Variants in CCDC91 observed in about 807,000 individuals in gnomAD.
The protein encoded by CCDC91 is coiled-coil domain containing 91.
In CCDC91, 48 loss-of-function variants were observed where a neutral mutation model predicts 63.2. The ratio of observed to expected loss-of-function variants is 0.76; its 90% CI spans 0.60 to 0.97. CCDC91 has a LOEUF of 0.97. Among genes scored for constraint, CCDC91 ranks in the 50% least tolerant of loss-of-function variants. CCDC91 has a pLI of 0.00. For missense variants in CCDC91, 500 were observed against 494.6 expected (o/e 1.01, Z -0.10); for synonymous variants, 167 against 165.8 (o/e 1.01, Z -0.06).
intron 1 of CCDC91, among the ~76,000 whole-genome samples, chr12:28,211,894 G>A (rs76240990): frequency 1.3e-5 from 2 of 151,614 alleles, no homozygotes; most frequent in Non-Finnish European, 2.9e-5. Context: ...CAGTTTCTTT[G>A]TGACCCAGTC....
intron 11 of CCDC91, among the ~76,000 whole-genome samples, chr12:28,480,962 T>C (rs1388151572): frequency 6.6e-6 from 1 of 152,022 alleles, no homozygotes; most frequent in Non-Finnish European, 1.5e-5. Context: ...TTTTAAGCAA[T>C]AGAGAGAAAT....
In CCDC91 at chr12:28,315,155, A is replaced by G. The variant is rs28645966; in HGVS notation, c.576+7406A>G. On this transcript the variant is annotated intron_variant, in intron 6 of 12. Coordinates refer to ENST00000536442, the MANE Select transcript of CCDC91 (RefSeq NM_018318.5). ...GTATTTTACTTAATGTGTCAGTTGT[A>G]TATATATATATATATATTTTTGTTT... is the stretch of plus-strand genomic sequence containing the variant. 1.6e-4 allele frequency among the ~76,000 whole-genome samples: 19 copies of G among 119,034 alleles called. No individual in the cohort carries two copies. The East Asian group carries it at 3.0e-3, about 19-fold the overall frequency. 78.1% of individuals were successfully genotyped at this position (119,034 alleles called of 152,430 possible).
chr12:28,260,031 C>G (rs532432250), intron 3 of CCDC91, among the ~76,000 whole-genome samples: 2 of 152,010 alleles, frequency 1.3e-5, no homozygotes, highest in African/African-American at 4.8e-5. Context: ...ACAGCTCTGC[C>G]TAGACCTCAA....
At chr12:28,431,904 C>T (rs1475098076) in intron 8 of CCDC91, among the ~76,000 whole-genome samples, 3 of 152,038 alleles carry the variant, frequency 2.0e-5, no homozygotes, top group Non-Finnish European at 4.4e-5. Flanking sequence ...CTTCTCTCCC[C>T]TCAATCCCTG....
At chr12:28,481,088 G>C (rs1951421823) in intron 11 of CCDC91, among the ~76,000 whole-genome samples, 2 of 151,918 alleles carry the variant, frequency 1.3e-5, no homozygotes, top group Admixed American at 1.3e-4. Context: ...TTAAAAAATA[G>C]TGTATGGAAC....
chr12:28,413,728 A>C (rs1482094592), intron 8 of CCDC91, among the ~76,000 whole-genome samples: 1 of 152,216 alleles, frequency 6.6e-6, no homozygotes, highest in East Asian at 1.9e-4. Flanking sequence ...GGGTGATTGC[A>C]GTTCATAAAA....
At chr12:28,199,354 CCCCTT>C (rs1942031750) in intron 1 of CCDC91, among the ~76,000 whole-genome samples, 2 of 152,198 alleles carry the variant, frequency 1.3e-5, no homozygotes, top group Admixed American at 6.5e-5. Flanking sequence ...TATATTCCCT[CCCCTT>C]CCTTCATGCT....
intron 8 of CCDC91, among the ~76,000 whole-genome samples, chr12:28,396,684 ATG>A (rs1319461387): frequency 1.3e-5 from 2 of 149,394 alleles, no homozygotes; most frequent in African/African-American, 2.5e-5. Context: ...GTGTGTGGGC[ATG>A]TGTGTGTGTG....
At chr12:28,426,344 T>C (rs1488246018) in intron 8 of CCDC91, among the ~76,000 whole-genome samples, 1 of 152,206 alleles carries the variant, frequency 6.6e-6, no homozygotes, top group Non-Finnish European at 1.5e-5. Context: ...GAATCTGTGG[T>C]TCAATGTTTG....
At chr12:28,440,821 G>A (rs1457099783) in intron 8 of CCDC91, among the ~76,000 whole-genome samples, 1 of 151,988 alleles carries the variant, frequency 6.6e-6, no homozygotes, top group African/African-American at 2.4e-5. Context: ...CACTTTGGGA[G>A]GCCGAGGTGG....
At chr12:28,213,307 G>C (rs1353403777) in intron 1 of CCDC91, among the ~76,000 whole-genome samples, 1 of 152,194 alleles carries the variant, frequency 6.6e-6, no homozygotes, top group Non-Finnish European at 1.5e-5. Flanking sequence ...TCAAGTCTTA[G>C]TAGGCCCCTA....
intron 3 of CCDC91, among the ~76,000 whole-genome samples, chr12:28,283,739 T>G (rs1359315026): frequency 6.6e-6 from 1 of 152,220 alleles, no homozygotes; most frequent in Non-Finnish European, 1.5e-5. Flanking sequence ...ATAGCCTGAA[T>G]GTAATTTTAT....
chr12:28,420,392 A>G (rs988691983), intron 8 of CCDC91, among the ~76,000 whole-genome samples: 5 of 152,174 alleles, frequency 3.3e-5, no homozygotes, highest in African/African-American at 4.8e-5. Context: ...TGAAATAGAA[A>G]TGTGAATAAT....
chr12:28,303,006 C>T (rs1198632867), intron 3 of CCDC91, among the ~76,000 whole-genome samples: 3 of 151,796 alleles, frequency 2.0e-5, no homozygotes, highest in Admixed American at 6.6e-5. Flanking sequence ...GAAAAGGAAT[C>T]AAGGAAATGG....
At chr12:28,495,221 C>T (rs1266377606) in intron 12 of CCDC91, among the ~76,000 whole-genome samples, 4 of 151,734 alleles carry the variant, frequency 2.6e-5, no homozygotes, top group Non-Finnish European at 5.9e-5. Flanking sequence ...GCAATCTCCT[C>T]TTCACTCAAA....
rs545431614 is a variant in CCDC91, at chr12:28,416,041, G to A, written c.762+24630G>A. ...TCATGAAGGAGGAATGGCTCTTAGC[G>A]TTTTTTGTTATATTTAGATGAGGAG... On this transcript the variant is annotated intron_variant, in intron 8 of 12. Coordinates refer to ENST00000536442, the MANE Select transcript of CCDC91 (RefSeq NM_018318.5). Among the ~76,000 whole-genome samples, 84 of 151,592 alleles carry A rather than the reference G, an allele frequency of 5.5e-4. 1 individual carries two copies. The highest frequency in any genetic ancestry group is 1.8e-3 in the African/African-American group (73 of 41,320).
intron 11 of CCDC91, among the ~76,000 whole-genome samples, chr12:28,472,047 G>A (rs1238483329): frequency 1.3e-5 from 2 of 152,056 alleles, no homozygotes; most frequent in African/African-American, 2.4e-5. Flanking sequence ...CACCACGCCC[G>A]GCCCATTGTT....
chr12:28,307,975 T>G (rs961276884), intron 6 of CCDC91, among the ~76,000 whole-genome samples: 4 of 152,010 alleles, frequency 2.6e-5, no homozygotes, highest in African/African-American at 9.7e-5. Context: ...AACAATTTGG[T>G]AAGAAATATT....
chr12:28,394,396 G>A (rs144308717), intron 8 of CCDC91, among the ~76,000 whole-genome samples: 3,099 of 152,022 alleles, frequency 0.02, 119 homozygotes, highest in African/African-American at 0.072. Context: ...AACCTGGGAG[G>A]TGGAGCTTGC....
Sources: allele counts gnomAD v4.1 joint callset (sites outside exome capture counted in the v4.1 genomes callset), GRCh38; gene constraint gnomAD v4.1.1; transcripts MANE v1.5; gene names NCBI Gene and HGNC (gene_info 2026-07-23, HGNC 2026-07-21).